Variants in PKN2 observed in about 807,000 individuals in gnomAD.
The protein encoded by PKN2 is protein kinase N2.
A neutral mutation model predicts 119.1 loss-of-function variants in PKN2; 38 were observed. The observed-to-expected ratio is 0.32, with a 90% CI of 0.25 to 0.42. The LOEUF (loss-of-function observed/expected upper bound fraction) is 0.42, where lower values mean the gene tolerates loss of function less well. Among genes scored for constraint, PKN2 ranks in the 10% least tolerant of loss-of-function variants. The pLI, the probability that PKN2 is intolerant of heterozygous loss-of-function variation, is 1.00. For synonymous variants in PKN2, 390 were observed against 384.9 expected (o/e 1.01, Z -0.15); for missense variants, 850 against 1,165.1 (o/e 0.73, Z 3.94).
intron 18 of PKN2, among the ~76,000 whole-genome samples, chr1:88,826,511 C>T (rs1330935379): frequency 6.6e-6 from 1 of 151,994 alleles, no homozygotes; most frequent in Non-Finnish European, 1.5e-5. Context: ...GAAATCAAGG[C>T]TTTTAGGATA....
intron 8 of PKN2, among the ~76,000 whole-genome samples, chr1:88,803,284 G>A (rs1259697775): frequency 2.0e-5 from 3 of 151,586 alleles, no homozygotes; most frequent in Non-Finnish European, 2.9e-5. Flanking sequence ...AGTGTTTTTC[G>A]TGTTCATTAA....
At chr1:88,708,626 T>G (rs1667098435) in intron 1 of PKN2, among the ~76,000 whole-genome samples, 1 of 151,186 alleles carries the variant, frequency 6.6e-6, no homozygotes, top group Non-Finnish European at 1.5e-5. Context: ...ACTTTTTTTT[T>G]TTTTTTTTTT....
chr1:88,829,175 C>T (rs1368553254), intron 19 of PKN2: 13 of 738,462 alleles, frequency 1.8e-5, no homozygotes, highest in South Asian at 2.7e-5. Flanking sequence ...TGATATCATC[C>T]GATGGCCATG....
chr1:88,804,713 G>A, intron 9 of PKN2, 133 bp from the exon 10 acceptor site: 1 of 747,386 alleles, frequency 1.3e-6, no homozygotes, highest in Non-Finnish European at 2.2e-6. Flanking sequence ...TCCTATGTCT[G>A]TTTTCTCATG....
intron 2 of PKN2, among the ~76,000 whole-genome samples, chr1:88,758,824 T>C (rs1570587535): frequency 6.6e-6 from 1 of 152,188 alleles, no homozygotes; most frequent in African/African-American, 2.4e-5. Context: ...TCTTTGCTAT[T>C]GTGAATAGTA....
chr1:88,767,655 G>C (rs1004364023), intron 3 of PKN2, among the ~76,000 whole-genome samples: 2 of 152,144 alleles, frequency 1.3e-5, no homozygotes, highest in African/African-American at 4.8e-5. Context: ...TATGTAGTCC[G>C]TTGTTGACCT....
chr1:88,816,147 AAAAG>A (rs1181592208), intron 16 of PKN2, among the ~76,000 whole-genome samples: 1 of 151,790 alleles, frequency 6.6e-6, no homozygotes, highest in African/African-American at 2.4e-5. Context: ...CAAATTAAAA[AAAAG>A]AGAGAAATCA....
rs201111346 is a variant in PKN2 at position 88,784,676 on chromosome 1, C to T, written c.1023C>T (p.Ile341=). 6.3e-7 allele frequency: 1 copy of T among 1,599,930 alleles called. No homozygotes were observed. The highest frequency in any genetic ancestry group is 8.5e-7 in the Non-Finnish European group (1 of 1,173,740). Residue 341 remains isoleucine, a synonymous_variant, in exon 7 of 22, where the codon ATC becomes ATT. Transcript: ENST00000370521. Reference sequence around the variant, plus strand: ...TTCGTCTTATGGGCTGCCAAGATATCCTAGAGAATGTCCCTGGACGGTCAA... The same window carrying T: ...TTCGTCTTATGGGCTGCCAAGATATTCTAGAGAATGTCCCTGGACGGTCAA... ...LEVRLMGCQD[I]LENVPGRSKA... is the part of the protein sequence containing the mutation.
chr1:88,788,201 T>G (rs1670661662), intron 8 of PKN2, among the ~76,000 whole-genome samples: 1 of 152,216 alleles, frequency 6.6e-6, no homozygotes, highest in Non-Finnish European at 1.5e-5. Flanking sequence ...AGAAATGATC[T>G]AGATCTAGAA....
At chr1:88,745,935 A>C (rs886668863) in intron 2 of PKN2, among the ~76,000 whole-genome samples, 10 of 152,134 alleles carry the variant, frequency 6.6e-5, no homozygotes, top group African/African-American at 2.2e-4. Context: ...CGCAATTCAA[A>C]TCAATTGATT....
chr1:88,813,833 A>G, intron 16 of PKN2, 100 bp downstream of exon 16: 5 of 947,232 alleles, frequency 5.3e-6, no homozygotes, highest in Non-Finnish European at 7.8e-6. Context: ...TTCCTAACAG[A>G]AAATAGATCT....
At chr1:88,770,836 C>T (rs541061250) in intron 4 of PKN2, among the ~76,000 whole-genome samples, 4 of 150,952 alleles carry the variant, frequency 2.6e-5, no homozygotes, top group Admixed American at 6.6e-5. Flanking sequence ...CCGCCCGCCT[C>T]GGCCCCCCAA....
chr1:88,766,947 G>T (rs1669689625), intron 3 of PKN2, among the ~76,000 whole-genome samples: 2 of 152,094 alleles, frequency 1.3e-5, no homozygotes, highest in Admixed American at 1.3e-4. Context: ...TACAAGTGCT[G>T]TTTCTTGCAT....
intron 2 of PKN2, among the ~76,000 whole-genome samples, chr1:88,758,002 C>G (rs1669274875): frequency 7.9e-6 from 1 of 126,614 alleles, no homozygotes; most frequent in South Asian, 2.5e-4. Flanking sequence ...AATCACACCA[C>G]TGCACTACAA....
chr1:88,828,154 T>C (rs1186701267), intron 18 of PKN2, among the ~76,000 whole-genome samples: 3 of 152,210 alleles, frequency 2.0e-5, no homozygotes, highest in Non-Finnish European at 4.4e-5. Flanking sequence ...TTATTTAAGA[T>C]TGAATTGGAA....
intron 1 of PKN2, among the ~76,000 whole-genome samples, chr1:88,725,808 AG>A (rs1164415515): frequency 1.3e-5 from 2 of 152,124 alleles, no homozygotes; most frequent in Non-Finnish European, 2.9e-5. Flanking sequence ...ACTTAACCCC[AG>A]GTTATGATTT....
At chr1:88,719,227 T>C (rs1180480490) in intron 1 of PKN2, among the ~76,000 whole-genome samples, 1 of 152,234 alleles carries the variant, frequency 6.6e-6, no homozygotes, top group Non-Finnish European at 1.5e-5. Context: ...GTCATTTGGA[T>C]CTTTTATTGT....
chr1:88,827,784 A>G (rs1672569290), intron 18 of PKN2, among the ~76,000 whole-genome samples: 1 of 151,866 alleles, frequency 6.6e-6, no homozygotes, highest in Non-Finnish European at 1.5e-5. Context: ...CAATGACACA[A>G]TCTCAGCTCA....
At chr1:88,687,808 C>G (rs750517548) in intron 1 of PKN2, among the ~76,000 whole-genome samples, 2 of 152,116 alleles carry the variant, frequency 1.3e-5, no homozygotes, top group Admixed American at 6.5e-5. Context: ...ATAAAGATGA[C>G]AAGATAGGTT....
Sources: gnomAD v4.1 joint callset for allele counts (sites outside exome capture counted in the v4.1 genomes callset) on GRCh38, gnomAD v4.1.1 for gene constraint, MANE v1.5 for transcripts, NCBI Gene and HGNC (gene_info 2026-07-23, HGNC 2026-07-21) for gene names.